The following IGDCC3 variants were observed in gnomAD, a reference collection of about 807,000 sequenced individuals.
IGDCC3 encodes the protein putative neuronal cell adhesion molecule.
Under a neutral mutation model 72.0 loss-of-function variants are expected in IGDCC3, and 47 were observed. That is an observed-to-expected ratio of 0.65 (90% CI 0.52 to 0.83). The LOEUF (loss-of-function observed/expected upper bound fraction) is 0.83, where lower values mean the gene tolerates loss of function less well. IGDCC3 is among the 40% of genes least tolerant of loss of function. The probability of loss-of-function intolerance (pLI) is 0.00; values close to 1 mark genes in which losing one functional copy is unlikely to be tolerated. For synonymous variants in IGDCC3, 477 were observed against 472.8 expected (o/e 1.01, Z -0.11); for missense variants, 1,038 against 1,091.3 (o/e 0.95, Z 0.69).
At chr15:65,340,662 C>T (rs564483727) in intron 2 of IGDCC3, among the ~76,000 whole-genome samples, 1 of 152,194 alleles carries the variant, frequency 6.6e-6, no homozygotes, top group Non-Finnish European at 1.5e-5. Flanking sequence ...AGACACATAC[C>T]TGAATCCCAT....
chr15:65,367,534 T>A (rs1208084377), intron 2 of IGDCC3, among the ~76,000 whole-genome samples: 2 of 151,120 alleles, frequency 1.3e-5, no homozygotes, highest in African/African-American at 4.9e-5. Flanking sequence ...ATAATAATAA[T>A]AAAATAAAAT....
At chr15:65,367,346 C>CA (rs10609381) in intron 2 of IGDCC3, among the ~76,000 whole-genome samples, 773 of 73,860 alleles carry the variant, frequency 0.01, 10 homozygotes, top group East Asian at 0.019. Flanking sequence ...GACTTTGTCT[C>CA]AAAAAAAAAA....
intron 2 of IGDCC3, among the ~76,000 whole-genome samples, chr15:65,344,053 G>C (rs1463219014): frequency 6.6e-6 from 1 of 152,160 alleles, no homozygotes; most frequent in African/African-American, 2.4e-5. Flanking sequence ...TCTGGGGTGG[G>C]GGAAGCATGA....
chr15:65,344,651 C>A (rs565443180), intron 2 of IGDCC3, among the ~76,000 whole-genome samples: 1 of 152,322 alleles, frequency 6.6e-6, no homozygotes, highest in African/African-American at 2.4e-5. Context: ...GCAGGGGAGG[C>A]AAACAGGGCT....
intron 2 of IGDCC3, among the ~76,000 whole-genome samples, chr15:65,373,158 C>T (rs1284981803): frequency 6.6e-6 from 1 of 152,214 alleles, no homozygotes; most frequent in Non-Finnish European, 1.5e-5. Flanking sequence ...TCCCAGGATT[C>T]TAGGCTGGTG....
intron 2 of IGDCC3, among the ~76,000 whole-genome samples, chr15:65,356,847 G>GTTTTTTTTTTTTTT (rs1189300061): frequency 1.8e-4 from 11 of 61,762 alleles, no homozygotes; most frequent in East Asian, 5.3e-4. Context: ...GAATGGACCT[G>GTTTTTTTTTTTTTT]CTTTTTTTTT....
intron 2 of IGDCC3, among the ~76,000 whole-genome samples, chr15:65,363,787 T>C (rs1429674451): frequency 6.6e-6 from 1 of 152,202 alleles, no homozygotes; most frequent in Non-Finnish European, 1.5e-5. Context: ...AGCATCATTA[T>C]GCGGAAACAA....
chr15:65,367,779 C>G (rs1450961077), intron 2 of IGDCC3, among the ~76,000 whole-genome samples: 2 of 152,068 alleles, frequency 1.3e-5, no homozygotes, highest in Non-Finnish European at 2.9e-5. Flanking sequence ...CTCCAGCTTT[C>G]TAGCCTGGCT....
At chr15:65,336,672 A>AC (rs1022295006) in intron 2 of IGDCC3, among the ~76,000 whole-genome samples, 7 of 151,462 alleles carry the variant, frequency 4.6e-5, no homozygotes, top group Non-Finnish European at 7.4e-5. Flanking sequence ...ATATTCAGGG[A>AC]CCCCTCCCCA....
chr15:65,351,400 G>T (rs968876180), intron 2 of IGDCC3, among the ~76,000 whole-genome samples: 4 of 152,088 alleles, frequency 2.6e-5, no homozygotes, highest in Non-Finnish European at 5.9e-5. Context: ...TGGGTATGGT[G>T]GCGGGTGCCT....
At chr15:65,331,240 G>A in intron 8 of IGDCC3, 26 bp from the exon 9 acceptor site, 4 of 1,611,194 alleles carry the variant, frequency 2.5e-6, no homozygotes, top group Non-Finnish European at 3.4e-6. Flanking sequence ...GTGGGCAGGG[G>A]AGTGTGAAGG....
chr15:65,332,562 C>T (rs959213726), intron 6 of IGDCC3, among the ~76,000 whole-genome samples: 1 of 152,180 alleles, frequency 6.6e-6, no homozygotes. Context: ...CTATTAAAAC[C>T]GGGAAATGAA....
rs746616128 is a variant in IGDCC3 at position 65,328,895 on chromosome 15, C to T, written c.*14G>A. 1.3e-6 allele frequency: 2 copies of T among 1,517,028 alleles called. No homozygotes were observed. Among genetic ancestry groups the T allele is most frequent in the Non-Finnish European group, 1.8e-6 (2 of 1,135,912 alleles). 94.0% of individuals were successfully genotyped at this position (1,517,028 alleles called of 1,614,324 possible). On this transcript the variant is annotated 3_prime_UTR_variant, in exon 14 of 14. Transcript: ENST00000327987. ...CCCCGCTCCGTCCACCCTCTGGAGC[C>T]TGCCAGACACTGGCTACTGTTCCGA...
At chr15:65,345,305 G>A (rs2091115795) in intron 2 of IGDCC3, among the ~76,000 whole-genome samples, 1 of 151,978 alleles carries the variant, frequency 6.6e-6, no homozygotes, top group African/African-American at 2.4e-5. Context: ...GTAATCCCCA[G>A]AACTTTGGGA....
intron 2 of IGDCC3, among the ~76,000 whole-genome samples, chr15:65,351,321 G>A (rs565490128): frequency 5.3e-4 from 81 of 152,292 alleles, no homozygotes; most frequent in African/African-American, 1.7e-3. Context: ...CAGATCACAA[G>A]GTCAGGAGAT....
chr15:65,363,771 G>A (rs1471161500), intron 2 of IGDCC3, among the ~76,000 whole-genome samples: 4 of 152,172 alleles, frequency 2.6e-5, no homozygotes, highest in Admixed American at 6.5e-5. Flanking sequence ...CAGATGTGGA[G>A]CAATCAGCAT....
chr15:65,352,100 C>T (rs2091178345), intron 2 of IGDCC3, among the ~76,000 whole-genome samples: 2 of 152,190 alleles, frequency 1.3e-5, no homozygotes, highest in African/African-American at 4.8e-5. Context: ...TAGGAGTCAA[C>T]TGAATTAACT....
intron 5 of IGDCC3, among the ~76,000 whole-genome samples, chr15:65,334,103 C>T (rs1290640978): frequency 6.6e-6 from 1 of 152,072 alleles, no homozygotes; most frequent in Non-Finnish European, 1.5e-5. Context: ...CCCCTCCCTC[C>T]CCATCACTCA....
chr15:65,372,877 G>A (rs975180996), intron 2 of IGDCC3, among the ~76,000 whole-genome samples: 1 of 152,156 alleles, frequency 6.6e-6, no homozygotes, highest in Non-Finnish European at 1.5e-5. Context: ...GGATCCAGCC[G>A]CACCGTTGCT....
Sources: allele counts gnomAD v4.1 joint callset (sites outside exome capture counted in the v4.1 genomes callset), GRCh38; gene constraint gnomAD v4.1.1; transcripts MANE v1.5; gene names NCBI Gene and HGNC (gene_info 2026-07-23, HGNC 2026-07-21).